PDE4D: variants seen among roughly 807,000 people sequenced by gnomAD.
PDE4D encodes the protein 3',5'-cyclic-AMP phosphodiesterase 4D.
In PDE4D, 24 loss-of-function variants were observed where a neutral mutation model predicts 87.4. The ratio of observed to expected loss-of-function variants is 0.27; its 90% CI spans 0.20 to 0.39. PDE4D has a LOEUF of 0.39. Among genes scored for constraint, PDE4D ranks in the 10% least tolerant of loss-of-function variants. PDE4D has a pLI of 1.00. For missense variants in PDE4D, 714 were observed against 1,041.0 expected, an observed-to-expected ratio of 0.69 and a Z score of 4.32; for synonymous variants, 384 against 383.2, an observed-to-expected ratio of 1.00 and a Z score of -0.02.
chr5:59,703,548 T>C, intron 1 of PDE4D: 2 of 533,748 alleles, frequency 3.7e-6, no homozygotes, highest in Non-Finnish European at 7.7e-6. Context: ...ATTTTCCCTT[T>C]GCATATTGAA....
intron 5 of PDE4D, among the ~76,000 whole-genome samples, chr5:59,065,067 TACACACACACACACACACACACACAC>T (rs10563874): frequency 0.023 from 2,057 of 89,330 alleles, 73 homozygotes; most frequent in African/African-American, 0.056. Context: ...GATATATATA[TACACACACACACACACACACACACAC>T]ACACACACAC....
At chr5:59,085,359 A>T (rs17721564) in intron 5 of PDE4D, among the ~76,000 whole-genome samples, 36,780 of 152,058 alleles carry the variant, frequency 0.24, 4,950 homozygotes, top group Middle Eastern at 0.33. Flanking sequence ...CTCTCTCTAC[A>T]TACACACTCT....
chr5:59,529,853 T>G (rs1813868028), intron 1 of PDE4D, among the ~76,000 whole-genome samples: 1 of 152,206 alleles, frequency 6.6e-6, no homozygotes, highest in Non-Finnish European at 1.5e-5. Context: ...GATATGCTAG[T>G]GCACTGTATT....
intron 1 of PDE4D, among the ~76,000 whole-genome samples, chr5:60,195,439 A>G (rs1741105268): frequency 6.6e-6 from 1 of 151,850 alleles, no homozygotes; most frequent in South Asian, 2.1e-4. Flanking sequence ...ACAGAGAATT[A>G]AGAGAAGAAA....
At position 59,087,028 on chromosome 5, in the gene PDE4D, G is replaced by A. The variant is rs1376066027; in HGVS notation, c.809-48057C>T. 3.4e-4 allele frequency among the ~76,000 whole-genome samples: 51 copies of A among 152,142 alleles called. 1 individual carries two copies. Among genetic ancestry groups the A allele is most frequent in the Admixed American group, 3.3e-3 (51 of 15,252 alleles). ...AGGACATTTCCACAATCCCTGAGAA[G>A]TATACAGTTTCCATATGAGAAATCA... is the stretch of plus-strand genomic sequence containing the variant. On this transcript the variant is annotated intron_variant, in intron 5 of 14. Transcript: ENST00000340635.
At chr5:59,563,901 A>G (rs997810218) in intron 1 of PDE4D, among the ~76,000 whole-genome samples, 3 of 152,220 alleles carry the variant, frequency 2.0e-5, no homozygotes, top group African/African-American at 4.8e-5. Context: ...CAGGAACTAT[A>G]GAGCTGTTGA....
intron 1 of PDE4D, among the ~76,000 whole-genome samples, chr5:59,346,672 A>G (rs1294031421): frequency 6.6e-6 from 1 of 152,142 alleles, no homozygotes; most frequent in African/African-American, 2.4e-5. Context: ...AGCAGCGCAT[A>G]CAACAGAAGT....
chr5:59,162,795 C>T (rs1464030218), intron 5 of PDE4D, among the ~76,000 whole-genome samples: 2 of 145,330 alleles, frequency 1.4e-5, no homozygotes, highest in African/African-American at 2.6e-5. Context: ...GTCGAGGCTG[C>T]AGTGAGCTGT....
At chr5:59,968,938 G>A (rs1342090941) in intron 3 of PDE4D, among the ~76,000 whole-genome samples, 2 of 151,710 alleles carry the variant, frequency 1.3e-5, no homozygotes, top group African/African-American at 2.4e-5. Context: ...ATTTGAGATG[G>A]AAGATAAAAG....
intron 1 of PDE4D, among the ~76,000 whole-genome samples, chr5:59,605,856 A>C (rs951508644): frequency 3.3e-5 from 5 of 152,038 alleles, no homozygotes; most frequent in Admixed American, 3.3e-4. Flanking sequence ...TGGGCTATGG[A>C]ACAGACTAAA....
At chr5:59,821,344 C>T (rs907451765) in intron 1 of PDE4D, among the ~76,000 whole-genome samples, 7 of 152,124 alleles carry the variant, frequency 4.6e-5, no homozygotes, top group Non-Finnish European at 7.4e-5. Context: ...CAAGATTACT[C>T]GCTAAGTTAG....
At chr5:59,329,907 G>A (rs1447186946) in intron 1 of PDE4D, among the ~76,000 whole-genome samples, 3 of 152,092 alleles carry the variant, frequency 2.0e-5, no homozygotes, top group Admixed American at 2.0e-4. Context: ...ACATAAAAGT[G>A]TTTTCTTTTG....
At chr5:59,893,024 C>A (rs376920278) in intron 1 of PDE4D, 144 bp downstream of exon 1, 6 of 790,174 alleles carry the variant, frequency 7.6e-6, no homozygotes, top group South Asian at 7.3e-5. Context: ...GATAGGCACA[C>A]CCCTGTTTGT....
At chr5:59,411,895 T>C (rs1387217793) in intron 1 of PDE4D, among the ~76,000 whole-genome samples, 1 of 152,232 alleles carries the variant, frequency 6.6e-6, no homozygotes, top group Non-Finnish European at 1.5e-5. Flanking sequence ...GCTGGGACCA[T>C]CTATCTAAAT....
At chr5:59,373,213 T>C (rs1176240474) in intron 1 of PDE4D, among the ~76,000 whole-genome samples, 2 of 151,988 alleles carry the variant, frequency 1.3e-5, no homozygotes, top group African/African-American at 4.8e-5. Context: ...ATTCAAAATA[T>C]GGATTGGAAT....
chr5:60,511,645 T>A (rs1750578542), intron 1 of PDE4D, among the ~76,000 whole-genome samples: 1 of 151,804 alleles, frequency 6.6e-6, no homozygotes, highest in Non-Finnish European at 1.5e-5. Context: ...GTGTTACAGA[T>A]AAGGAAACTA....
intron 1 of PDE4D, among the ~76,000 whole-genome samples, chr5:59,750,462 T>C (rs1045602518): frequency 3.3e-5 from 5 of 152,130 alleles, no homozygotes; most frequent in African/African-American, 1.2e-4. Flanking sequence ...GAAATCACAA[T>C]GAAATGTACT....
intron 5 of PDE4D, among the ~76,000 whole-genome samples, chr5:59,101,506 A>G (rs1770732782): frequency 6.6e-6 from 1 of 152,144 alleles, no homozygotes; most frequent in Non-Finnish European, 1.5e-5. Context: ...TAAATACAAA[A>G]ACCCCTAGCA....
intron 3 of PDE4D, among the ~76,000 whole-genome samples, chr5:59,956,850 T>G (rs1489207400): frequency 1.3e-5 from 2 of 152,036 alleles, no homozygotes; most frequent in Non-Finnish European, 2.9e-5. Flanking sequence ...TTGCCTAAAT[T>G]GAAACAAATT....
Sources: allele counts gnomAD v4.1 joint callset (sites outside exome capture counted in the v4.1 genomes callset), GRCh38; gene constraint gnomAD v4.1.1; transcripts MANE v1.5; gene names NCBI Gene and HGNC (gene_info 2026-07-23, HGNC 2026-07-21).